Variants in MAPKAP1 observed in about 807,000 individuals in gnomAD.
MAPKAP1 encodes the protein MAPK associated protein 1.
MAPKAP1 carries 20 observed loss-of-function variants against 65.7 expected under a neutral mutation model. The ratio of observed to expected loss-of-function variants is 0.30; its 90% CI spans 0.21 to 0.44. MAPKAP1 has a LOEUF of 0.44. Ranked by LOEUF, MAPKAP1 falls within the 20% of genes least tolerant of loss-of-function variation. MAPKAP1 has a pLI of 1.00. For missense variants in MAPKAP1, 423 were observed against 648.0 expected, an observed-to-expected ratio of 0.65 and a Z score of 3.77; for synonymous variants, 222 against 244.3, an observed-to-expected ratio of 0.91 and a Z score of 0.85.
chr9:125,530,289 T>C (rs1211544719), intron 7 of MAPKAP1, among the ~76,000 whole-genome samples: 1 of 152,210 alleles, frequency 6.6e-6, no homozygotes, highest in Non-Finnish European at 1.5e-5. Context: ...ACTGAGACTC[T>C]TCATGGAGGC....
chr9:125,486,163 C>G (rs1458208852), intron 8 of MAPKAP1, among the ~76,000 whole-genome samples: 1 of 152,194 alleles, frequency 6.6e-6, no homozygotes, highest in African/African-American at 2.4e-5. Context: ...GCATTTCACA[C>G]GTTACTGCAT....
At chr9:125,645,334 C>A (rs1356484538) in intron 4 of MAPKAP1, among the ~76,000 whole-genome samples, 1 of 152,202 alleles carries the variant, frequency 6.6e-6, no homozygotes, top group Non-Finnish European at 1.5e-5. Context: ...TCCCCCAACA[C>A]CTGAGAAACG....
At chr9:125,492,452 T>A (rs1044615040) in intron 8 of MAPKAP1, among the ~76,000 whole-genome samples, 1 of 152,176 alleles carries the variant, frequency 6.6e-6, no homozygotes, top group Non-Finnish European at 1.5e-5. Flanking sequence ...ATAAAAGCAA[T>A]AGGTTTACTT....
At chr9:125,527,599 A>C (rs1362400861) in intron 7 of MAPKAP1, among the ~76,000 whole-genome samples, 3 of 152,192 alleles carry the variant, frequency 2.0e-5, no homozygotes, top group Non-Finnish European at 4.4e-5. Flanking sequence ...GAGAATGAAG[A>C]CTTAGGCTGT....
At chr9:125,698,546 T>A (rs1835502463) in intron 1 of MAPKAP1, among the ~76,000 whole-genome samples, 1 of 151,458 alleles carries the variant, frequency 6.6e-6, no homozygotes, top group Non-Finnish European at 1.5e-5. Context: ...TTCGCCATGT[T>A]GGCCAGGCTG....
chr9:125,510,215 T>C (rs1049766496), intron 7 of MAPKAP1, among the ~76,000 whole-genome samples: 1 of 152,202 alleles, frequency 6.6e-6, no homozygotes, highest in African/African-American at 2.4e-5. Context: ...GGGGGTCTTC[T>C]GGCTCTAAAG....
intron 4 of MAPKAP1, among the ~76,000 whole-genome samples, chr9:125,607,956 C>T (rs565278281): frequency 6.6e-6 from 1 of 152,294 alleles, no homozygotes; most frequent in South Asian, 2.1e-4. Flanking sequence ...GGGCAAAGAG[C>T]AAACAAGTTA....
At chr9:125,693,812 C>T (rs1269983590) in intron 1 of MAPKAP1, among the ~76,000 whole-genome samples, 3 of 144,712 alleles carry the variant, frequency 2.1e-5, no homozygotes, top group Non-Finnish European at 4.5e-5. Context: ...TATATACACA[C>T]ACATATACAC....
At chr9:125,601,593 T>C (rs1832301448) in intron 4 of MAPKAP1, among the ~76,000 whole-genome samples, 1 of 152,204 alleles carries the variant, frequency 6.6e-6, no homozygotes, top group African/African-American at 2.4e-5. Flanking sequence ...TATCCAAAGT[T>C]AGAATTTAAT....
At chr9:125,450,489 A>G (rs964365331) in intron 10 of MAPKAP1, among the ~76,000 whole-genome samples, 1 of 152,158 alleles carries the variant, frequency 6.6e-6, no homozygotes, top group Non-Finnish European at 1.5e-5. Context: ...CTGTTGCAAC[A>G]ATTTCTATAA....
At position 125,589,013 on chromosome 9, in the gene MAPKAP1, A is replaced by G. The variant is rs958486229; in HGVS notation, c.499-3286T>C. ...AGCAGGTGCTGTTCACTGTATCTAG[A>G]GAGGCTCTTTTTCATGGCTTTGCAT... is the stretch of plus-strand genomic sequence containing the variant. On this transcript the variant is annotated intron_variant, in intron 4 of 11. Transcript: ENST00000265960. Among the ~76,000 whole-genome samples, 10 of 152,068 alleles carry G rather than the reference A, an allele frequency of 6.6e-5. No individual in the cohort carries two copies. In the South Asian group the frequency reaches 1.5e-3, roughly 22 times the overall value.
chr9:125,669,402 C>T (rs747873929), intron 3 of MAPKAP1, among the ~76,000 whole-genome samples: 8 of 152,140 alleles, frequency 5.3e-5, no homozygotes, highest in Non-Finnish European at 7.4e-5. Flanking sequence ...ATCGCTTGAA[C>T]CGGGGAGGCA....
chr9:125,561,319 T>C (rs1332856177), intron 5 of MAPKAP1, among the ~76,000 whole-genome samples: 1 of 152,232 alleles, frequency 6.6e-6, no homozygotes, highest in African/African-American at 2.4e-5. Context: ...CTTCAGGCGA[T>C]CTATACTCAG....
chr9:125,612,031 C>T (rs986091280), intron 4 of MAPKAP1, among the ~76,000 whole-genome samples: 3 of 152,098 alleles, frequency 2.0e-5, no homozygotes, highest in Admixed American at 2.0e-4. Flanking sequence ...TTGAGTAACC[C>T]TAATCCAAAA....
At chr9:125,545,279 C>T (rs1319754539) in intron 6 of MAPKAP1, among the ~76,000 whole-genome samples, 3 of 152,208 alleles carry the variant, frequency 2.0e-5, no homozygotes, top group African/African-American at 4.8e-5. Flanking sequence ...GTAAGTGATA[C>T]TTTGGCAAGA....
intron 2 of MAPKAP1, 145 bp from the exon 3 acceptor site, chr9:125,670,052 G>GA (rs1301473675): frequency 1.0e-5 from 5 of 486,628 alleles, no homozygotes; most frequent in Non-Finnish European, 1.8e-5. Flanking sequence ...TGGCACCCCT[G>GA]AAAAGCAAAT....
intron 5 of MAPKAP1, among the ~76,000 whole-genome samples, chr9:125,585,338 C>G (rs1451581527): frequency 1.3e-5 from 2 of 152,186 alleles, no homozygotes; most frequent in Non-Finnish European, 2.9e-5. Context: ...TACTAAAAAT[C>G]CATGTTCTCA....
intron 4 of MAPKAP1, among the ~76,000 whole-genome samples, chr9:125,654,289 T>C (rs933609395): frequency 6.6e-6 from 1 of 152,210 alleles, no homozygotes; most frequent in Non-Finnish European, 1.5e-5. Flanking sequence ...AGGTTTTGTG[T>C]TGTTAACGAG....
At chr9:125,687,329 G>A (rs1407892596) in intron 1 of MAPKAP1, among the ~76,000 whole-genome samples, 1 of 152,158 alleles carries the variant, frequency 6.6e-6, no homozygotes, top group Non-Finnish European at 1.5e-5. Context: ...CTATGGATTA[G>A]TGACATCTGC....
Sources: gnomAD v4.1 joint callset for allele counts (sites outside exome capture counted in the v4.1 genomes callset) on GRCh38, gnomAD v4.1.1 for gene constraint, MANE v1.5 for transcripts, NCBI Gene and HGNC (gene_info 2026-07-23, HGNC 2026-07-21) for gene names.